Variants in LAMA2 observed in about 807,000 individuals in gnomAD.
LAMA2 encodes the protein laminin subunit alpha-2.
Under a neutral mutation model 364.8 loss-of-function variants are expected in LAMA2, and 269 were observed. The observed-to-expected ratio is 0.74, with a 90% CI of 0.67 to 0.82. The LOEUF is 0.82. Among genes scored for constraint, LAMA2 ranks in the 40% least tolerant of loss-of-function variants. LAMA2 has a pLI of 0.00. For missense variants in LAMA2, 3,807 were observed against 3,873.2 expected (o/e 0.98, Z 0.45); for synonymous variants, 1,379 against 1,370.6 (o/e 1.01, Z -0.14).
chr6:128,913,504 A>T (rs966267127), intron 1 of LAMA2, among the ~76,000 whole-genome samples: 17 of 152,222 alleles, frequency 1.1e-4, no homozygotes, highest in Admixed American at 8.5e-4. Flanking sequence ...TTTAGATGAC[A>T]TTAATAATTG....
At chr6:128,995,588 T>G (rs1582843169) in intron 1 of LAMA2, among the ~76,000 whole-genome samples, 1 of 152,290 alleles carries the variant, frequency 6.6e-6, no homozygotes. Context: ...CCTTCCAAAG[T>G]GCTGGGATTA....
intron 1 of LAMA2, among the ~76,000 whole-genome samples, chr6:128,926,058 G>T (rs981417494): frequency 6.6e-6 from 1 of 152,108 alleles, no homozygotes; most frequent in African/African-American, 2.4e-5. Context: ...TGTTTCACCA[G>T]ATCTAGGATT....
chr6:129,114,422 C>T (rs933252310), intron 4 of LAMA2, among the ~76,000 whole-genome samples: 24 of 152,116 alleles, frequency 1.6e-4, no homozygotes, highest in African/African-American at 5.5e-4. Context: ...AGATTCAAAA[C>T]TAAATGACAT....
At chr6:129,155,741 C>T (rs372609081) in intron 8 of LAMA2, among the ~76,000 whole-genome samples, 3 of 152,154 alleles carry the variant, frequency 2.0e-5, no homozygotes, top group South Asian at 4.1e-4. Flanking sequence ...ATTTTTCCCT[C>T]TGCGTGCTAA....
chr6:129,055,167 T>TTATTATTATG (rs1158612659), intron 2 of LAMA2, among the ~76,000 whole-genome samples: 4 of 7,670 alleles, frequency 5.2e-4, no homozygotes, highest in Admixed American at 3.0e-3. Flanking sequence ...TTACTTTACA[T>TTATTATTATG]TATTATTATT....
intron 4 of LAMA2, among the ~76,000 whole-genome samples, chr6:129,137,013 T>C (rs1338993478): frequency 2.6e-5 from 4 of 152,132 alleles, no homozygotes; most frequent in Non-Finnish European, 5.9e-5. Context: ...AATACCTTCT[T>C]ATCTAAGAAG....
chr6:128,953,056 A>G (rs534198704), intron 1 of LAMA2, among the ~76,000 whole-genome samples: 3 of 152,300 alleles, frequency 2.0e-5, no homozygotes, highest in East Asian at 1.9e-4. Flanking sequence ...TAAAGTCCCT[A>G]TTAATCTCTG....
chr6:129,370,025 G>T, intron 34 of LAMA2, 35 bp downstream of exon 34: 1 of 1,537,792 alleles, frequency 6.5e-7, no homozygotes, highest in Non-Finnish European at 9.0e-7. Context: ...TCTGAAAGCA[G>T]ATAGATTATG....
At chr6:129,159,690 A>G (rs561917128) in intron 8 of LAMA2, among the ~76,000 whole-genome samples, 15 of 152,226 alleles carry the variant, frequency 9.9e-5, no homozygotes, top group Non-Finnish European at 2.2e-4. Context: ...CTGAATTTTA[A>G]AGGGAAACCT....
At position 129,412,872 on chromosome 6, in the gene LAMA2, C is replaced by T. The variant is rs561832245; in HGVS notation, c.5865+8913C>T. On this transcript the variant is annotated intron_variant, in intron 40 of 64. Transcript: ENST00000421865. ...GTCTGAGTCATTGACCAGAAGTAGC[C>T]GTGTGCCCCAAGCTAACTGTAAGGG... Among the ~76,000 whole-genome samples, 5 of 152,290 alleles carry T rather than the reference C, an allele frequency of 3.3e-5. No homozygotes were observed. In the East Asian group the frequency reaches 5.8e-4, roughly 18 times the overall value.
chr6:129,262,873 AG>A (rs1052964849), intron 15 of LAMA2, among the ~76,000 whole-genome samples: 84 of 152,300 alleles, frequency 5.5e-4, no homozygotes, highest in African/African-American at 1.9e-3. Flanking sequence ...TGGCCAAAAA[AG>A]GATCAAATGA....
intron 1 of LAMA2, among the ~76,000 whole-genome samples, chr6:129,010,374 T>C (rs1784692388): frequency 6.6e-6 from 1 of 152,132 alleles, no homozygotes; most frequent in Admixed American, 6.5e-5. Flanking sequence ...TCCTCTTTCG[T>C]TTAGGTGAAA....
At chr6:129,376,491 C>T (rs946199237) in intron 34 of LAMA2, among the ~76,000 whole-genome samples, 2 of 152,180 alleles carry the variant, frequency 1.3e-5, no homozygotes, top group South Asian at 2.1e-4. Flanking sequence ...AATACGTCAT[C>T]GCAGTGCTTA....
At chr6:128,903,864 A>G (rs1777242354) in intron 1 of LAMA2, among the ~76,000 whole-genome samples, 1 of 152,156 alleles carries the variant, frequency 6.6e-6, no homozygotes, top group Non-Finnish European at 1.5e-5. Context: ...AAGTAGACAG[A>G]GACAGTGGAC....
chr6:129,328,723 T>C (rs765347945), intron 29 of LAMA2, among the ~76,000 whole-genome samples: 5 of 152,190 alleles, frequency 3.3e-5, no homozygotes, highest in African/African-American at 7.2e-5. Context: ...AAACTTTCTA[T>C]AAAATTTGGA....
At chr6:128,994,591 A>G (rs1401120864) in intron 1 of LAMA2, among the ~76,000 whole-genome samples, 1 of 152,176 alleles carries the variant, frequency 6.6e-6, no homozygotes, top group Admixed American at 6.5e-5. Flanking sequence ...TTTTATCAAG[A>G]TTATTTTTAA....
intron 1 of LAMA2, among the ~76,000 whole-genome samples, chr6:128,910,325 T>G (rs199684313): frequency 4.3e-3 from 544 of 125,840 alleles, no homozygotes; most frequent in Middle Eastern, 7.2e-3. Flanking sequence ...TCTTGGAGGC[T>G]TTGCTCATTT....
intron 22 of LAMA2, among the ~76,000 whole-genome samples, chr6:129,304,664 T>C (rs962646580): frequency 1.3e-5 from 2 of 152,266 alleles, no homozygotes; most frequent in Non-Finnish European, 2.9e-5. Flanking sequence ...GAAACTACTT[T>C]GTTTGCACTC....
Position 129,460,270 on chromosome 6 carries a change from T to C in LAMA2, c.6938T>C (p.Ile2313Thr). The C allele has an allele frequency of 1.2e-6, 2 of 1,612,022 alleles. No individual in the cohort carries two copies. Among genetic ancestry groups the C allele is most frequent in the Non-Finnish European group, 8.5e-7 (1 of 1,178,524 alleles). ...MGETYFDNKPIGLWNFREKEG... is the reference protein window; with the variant it reads ...MGETYFDNKPTGLWNFREKEG... The stretch of plus-strand genomic sequence containing the variant: ...GAAACATACTTTGACAACAAACCTA[T>C]AGGTTTGTGGAATTTCCGAGAAAAA... The change falls in exon 49 of 65, where the codon ATA (isoleucine) becomes ACA (threonine). Residue 2313 changes from isoleucine to threonine, a missense_variant. By Grantham distance (89) the Ile-to-Thr change is moderately conservative. Coordinates refer to ENST00000421865, the MANE Select transcript of LAMA2 (RefSeq NM_000426.4).
Sources: allele counts gnomAD v4.1 joint callset (sites outside exome capture counted in the v4.1 genomes callset), GRCh38; gene constraint gnomAD v4.1.1; transcripts MANE v1.5; gene names NCBI Gene and HGNC (gene_info 2026-07-23, HGNC 2026-07-21).